Variants in XPO6 observed in about 807,000 individuals in gnomAD.
The protein encoded by XPO6 is exportin-6.
In XPO6, 3 loss-of-function variants were observed where a neutral mutation model predicts 130.0. That is an observed-to-expected ratio of 0.02 (90% CI 0.01 to 0.06). The LOEUF (loss-of-function observed/expected upper bound fraction) is 0.06. XPO6 is among the 10% of genes least tolerant of loss of function. The probability of loss-of-function intolerance (pLI) is 1.00; values close to 1 mark genes in which losing one functional copy is unlikely to be tolerated. For missense variants in XPO6, 970 were observed against 1,393.0 expected (o/e 0.70, Z 4.83); for synonymous variants, 524 against 548.9 (o/e 0.95, Z 0.63).
Position 28,186,368 on chromosome 16 carries a change from G to C in XPO6, c.4-5337C>G, listed in dbSNP as rs140099353. The stretch of plus-strand genomic sequence containing the variant: ...CTTAAATATAGATTTTTCTGCCCCA[G>C]TTATTCTTTTTTTTTTTTTTTTTGC... On this transcript the variant is annotated intron_variant, in intron 1 of 23. Transcript: ENST00000304658. Among the ~76,000 whole-genome samples the C allele has an allele frequency of 3.2e-3, 67 of 20,946 alleles. No homozygotes were observed. The East Asian group carries it at 0.034, about 11-fold the overall frequency. The allele number at this position is 20,946 out of a possible 152,430, so 13.7% of individuals were successfully genotyped here.
intron 7 of XPO6, chr16:28,153,730 A>G: frequency 1.0e-6 from 1 of 985,482 alleles, no homozygotes; most frequent in Non-Finnish European, 1.2e-6. Context: ...ACAAAAAGGT[A>G]AAGACATACT....
At chr16:28,102,077 C>G in intron 21 of XPO6, 132 bp from the exon 22 acceptor site, 1 of 654,318 alleles carries the variant, frequency 1.5e-6, no homozygotes, top group South Asian at 1.9e-5. Context: ...CAGCTCAGAC[C>G]TCTACGACGC....
At chr16:28,188,392 G>A (rs1234859755) in intron 1 of XPO6, among the ~76,000 whole-genome samples, 1 of 152,120 alleles carries the variant, frequency 6.6e-6, no homozygotes, top group East Asian at 1.9e-4. Context: ...AACAAAATGA[G>A]GACTAGTATC....
At chr16:28,197,962 A>AT (rs1204545717) in intron 1 of XPO6, among the ~76,000 whole-genome samples, 7,454 of 90,804 alleles carry the variant, frequency 0.082, 554 homozygotes, top group Non-Finnish European at 0.12. Flanking sequence ...ATCTAAGTTT[A>AT]TTAAAAAAAA....
intron 6 of XPO6, among the ~76,000 whole-genome samples, chr16:28,164,914 T>G (rs1316100621): frequency 6.6e-6 from 1 of 152,170 alleles, no homozygotes; most frequent in Non-Finnish European, 1.5e-5. Context: ...AAAATAAATC[T>G]AACTCAAAAG....
Position 28,117,367 on chromosome 16 carries a change from G to A in XPO6, c.1955C>T (p.Thr652Ile). 1 of 1,614,216 alleles carries A rather than the reference G, an allele frequency of 6.2e-7. No individual in the cohort carries two copies. Among genetic ancestry groups the A allele is most frequent in the Non-Finnish European group, 8.5e-7 (1 of 1,180,036 alleles). ...VHRQNTQQFV[T>I]LISTTMDAIT... ...TGCATCCATGGTAGTAGAGATGAGT[G>A]TCACGAACTGCTGCGTGTTCTGCCG... Residue 652 changes from threonine (T) to isoleucine (I), a missense_variant, in exon 15 of 24, where the codon ACA (threonine) becomes ATA (isoleucine). By Grantham distance (89) the Thr-to-Ile change is moderately conservative. This residue lies in a region of XPO6 where 936 missense variants were observed against 1,306.8 expected (regional missense o/e 0.72). Transcript: ENST00000304658.
chr16:28,162,827 A>G (rs1836253850), intron 6 of XPO6, among the ~76,000 whole-genome samples: 1 of 152,076 alleles, frequency 6.6e-6, no homozygotes, highest in African/African-American at 2.4e-5. Flanking sequence ...AAGTGCTGGG[A>G]TTTACAGGCC....
intron 2 of XPO6, among the ~76,000 whole-genome samples, chr16:28,180,135 G>T (rs980050136): frequency 6.6e-6 from 1 of 152,184 alleles, no homozygotes; most frequent in Non-Finnish European, 1.5e-5. Flanking sequence ...GGGAGGCCGA[G>T]GTGGGCAGAT....
chr16:28,123,406 T>C (rs1166511939), intron 13 of XPO6, among the ~76,000 whole-genome samples: 1 of 150,862 alleles, frequency 6.6e-6, no homozygotes, highest in Non-Finnish European at 1.5e-5. Flanking sequence ...ACGCCTGGAG[T>C]TGAAAGACAT....
chr16:28,130,864 T>C (rs541840268), intron 12 of XPO6, among the ~76,000 whole-genome samples: 1 of 152,330 alleles, frequency 6.6e-6, no homozygotes, highest in East Asian at 1.9e-4. Flanking sequence ...CAACAGAATG[T>C]AAAAACACCA....
intron 8 of XPO6, 39 bp downstream of exon 8, chr16:28,152,620 C>A: frequency 6.3e-7 from 1 of 1,585,106 alleles, no homozygotes; most frequent in African/African-American, 1.4e-5. Context: ...AGGTAATAAA[C>A]CTTTTCTCTG....
At chr16:28,109,865 C>T (rs2086875999) in intron 17 of XPO6, among the ~76,000 whole-genome samples, 1 of 152,102 alleles carries the variant, frequency 6.6e-6, no homozygotes, top group African/African-American at 2.4e-5. Context: ...TATATAGATA[C>T]AAAGGTTAAG....
intron 10 of XPO6, among the ~76,000 whole-genome samples, 159 bp from the exon 11 acceptor site, chr16:28,134,092 C>T (rs1313983600): frequency 6.6e-6 from 1 of 152,188 alleles, no homozygotes; most frequent in African/African-American, 2.4e-5. Context: ...TTTTTAAAAA[C>T]AATGAATTAA....
chr16:28,171,743 T>C (rs1456679151), intron 4 of XPO6, among the ~76,000 whole-genome samples: 2 of 152,210 alleles, frequency 1.3e-5, no homozygotes, highest in Non-Finnish European at 2.9e-5. Context: ...ATTGGGCCTA[T>C]TTCTAACACT....
intron 1 of XPO6, among the ~76,000 whole-genome samples, chr16:28,205,419 T>C (rs1335752114): frequency 2.0e-5 from 3 of 152,186 alleles, no homozygotes; most frequent in Non-Finnish European, 4.4e-5. Flanking sequence ...AAACTCTTCC[T>C]CATCCTTCAA....
chr16:28,199,518 C>G (rs2043922246), intron 1 of XPO6, among the ~76,000 whole-genome samples: 1 of 151,970 alleles, frequency 6.6e-6, no homozygotes, highest in South Asian at 2.1e-4. Flanking sequence ...CTCAGGTGAT[C>G]CGCCTGCCTC....
intron 9 of XPO6, among the ~76,000 whole-genome samples, chr16:28,143,920 C>T (rs2042939268): frequency 6.6e-6 from 1 of 152,210 alleles, no homozygotes; most frequent in African/African-American, 2.4e-5. Flanking sequence ...CAGGCAGGAG[C>T]CACCGCACTC....
chr16:28,165,253 C>T (rs1330749909), intron 6 of XPO6: 1 of 152,058 alleles, frequency 6.6e-6, no homozygotes, highest in African/African-American at 2.4e-5. Context: ...AGAATTTAAA[C>T]GAAAAAACAA....
At chr16:28,195,730 G>A (rs1022124204) in intron 1 of XPO6, among the ~76,000 whole-genome samples, 2 of 152,166 alleles carry the variant, frequency 1.3e-5, no homozygotes, top group South Asian at 4.1e-4. Flanking sequence ...TCCATCCTGG[G>A]TGACAGAGAG....
Sources: gnomAD v4.1 joint callset for allele counts (sites outside exome capture counted in the v4.1 genomes callset) on GRCh38, gnomAD v4.1.1 for gene constraint, gnomAD v4.1.1 regional missense constraint, MANE v1.5 for transcripts, NCBI Gene and HGNC (gene_info 2026-07-23, HGNC 2026-07-21) for gene names.